Variants in PIP5K1B observed in about 807,000 individuals in gnomAD.
PIP5K1B encodes the protein phosphatidylinositol 4-phosphate 5-kinase type-1 beta.
A neutral mutation model predicts 67.0 loss-of-function variants in PIP5K1B; 42 were observed. The ratio of observed to expected loss-of-function variants is 0.63; its 90% confidence interval spans 0.49 to 0.81. PIP5K1B has a LOEUF of 0.81. PIP5K1B is among the 30% of genes least tolerant of loss of function. PIP5K1B has a pLI of 0.00. For synonymous variants in PIP5K1B, 214 were observed against 231.4 expected (o/e 0.92, Z 0.68); for missense variants, 459 against 646.3 (o/e 0.71, Z 3.14).
intron 14 of PIP5K1B, among the ~76,000 whole-genome samples, chr9:68,987,942 T>TG (rs764667876): frequency 2.0e-5 from 3 of 152,148 alleles, no homozygotes; most frequent in African/African-American, 4.8e-5. Context: ...GAGATTTGGA[T>TG]GGGGGGACAC....
At chr9:68,969,954 T>C (rs1056359818) in intron 14 of PIP5K1B, among the ~76,000 whole-genome samples, 2 of 152,176 alleles carry the variant, frequency 1.3e-5, no homozygotes, top group Non-Finnish European at 2.9e-5. Flanking sequence ...TTCTAATTCA[T>C]AGGACATGAA....
intron 2 of PIP5K1B, among the ~76,000 whole-genome samples, chr9:68,790,925 G>A (rs1028429439): frequency 6.6e-6 from 1 of 152,106 alleles, no homozygotes; most frequent in Non-Finnish European, 1.5e-5. Context: ...TGAATTTCTA[G>A]AATAAATACT....
At chr9:68,780,094 G>T in intron 2 of PIP5K1B, 2 of 1,337,346 alleles carry the variant, frequency 1.5e-6, no homozygotes, top group Non-Finnish European at 9.6e-7. Flanking sequence ...CAGCGGCGGC[G>T]GCCCTGGACT....
intron 4 of PIP5K1B, among the ~76,000 whole-genome samples, chr9:68,838,763 T>A (rs971836701): frequency 2.0e-5 from 3 of 152,166 alleles, no homozygotes; most frequent in Admixed American, 6.5e-5. Context: ...TTGAAATAAA[T>A]TTTTTAATTA....
In PIP5K1B at chr9:68,851,798, A is replaced by T. The variant is rs76095608; in HGVS notation, c.70-12039A>T. The stretch of plus-strand genomic sequence containing the variant: ...ATCTCTGGCTTGTGGCCAAAACAGT[A>T]ACTGGTCCACCAGAGTTTGTGCCCC... On this transcript the variant is annotated intron_variant, in intron 4 of 15. Transcript: ENST00000265382. 3.3e-3 allele frequency among the ~76,000 whole-genome samples: 510 copies of T among 152,322 alleles called. 1 individual carries two copies. The highest frequency in any genetic ancestry group is 0.011 in the African/African-American group (469 of 41,576).
At chr9:68,854,290 T>G (rs1822657086) in intron 4 of PIP5K1B, among the ~76,000 whole-genome samples, 1 of 151,982 alleles carries the variant, frequency 6.6e-6, no homozygotes, top group African/African-American at 2.4e-5. Flanking sequence ...CCACCATGCC[T>G]GACCAATTTT....
intron 2 of PIP5K1B, among the ~76,000 whole-genome samples, chr9:68,773,722 A>G (rs1379308449): frequency 6.6e-6 from 1 of 152,198 alleles, no homozygotes; most frequent in Non-Finnish European, 1.5e-5. Flanking sequence ...GCCGCTTTGT[A>G]CACTTCTACC....
chr9:68,803,955 A>C (rs1832734332), intron 2 of PIP5K1B, among the ~76,000 whole-genome samples: 2 of 152,186 alleles, frequency 1.3e-5, no homozygotes, highest in Non-Finnish European at 2.9e-5. Context: ...GAGGAAGGTC[A>C]TGAATGAAAT....
At chr9:68,959,935 C>T (rs1828624404) in intron 14 of PIP5K1B, among the ~76,000 whole-genome samples, 1 of 152,164 alleles carries the variant, frequency 6.6e-6, no homozygotes, top group African/African-American at 2.4e-5. Flanking sequence ...CAGATGTTAT[C>T]CTGGGAACTT....
intron 12 of PIP5K1B, among the ~76,000 whole-genome samples, chr9:68,931,525 C>T (rs1008731143): frequency 1.3e-5 from 2 of 151,886 alleles, no homozygotes; most frequent in South Asian, 2.1e-4. Context: ...ACTATGGGTA[C>T]GCGGAGAGAA....
At chr9:68,848,950 A>G (rs1172240644) in intron 4 of PIP5K1B, among the ~76,000 whole-genome samples, 1 of 152,252 alleles carries the variant, frequency 6.6e-6, no homozygotes, top group Non-Finnish European at 1.5e-5. Flanking sequence ...GCAAAAGTTA[A>G]CAATATTGAT....
At chr9:68,867,415 C>G (rs1823413750) in intron 5 of PIP5K1B, among the ~76,000 whole-genome samples, 1 of 152,272 alleles carries the variant, frequency 6.6e-6, no homozygotes, top group South Asian at 2.1e-4. Flanking sequence ...TCAGTTTCAT[C>G]ATCTGGACTC....
intron 13 of PIP5K1B, among the ~76,000 whole-genome samples, chr9:68,939,332 G>A (rs1049544897): frequency 6.6e-6 from 1 of 152,180 alleles, no homozygotes; most frequent in African/African-American, 2.4e-5. Context: ...AAGCTGGTAT[G>A]CCCAAAACCT....
At chr9:68,822,916 T>C (rs758281956) in intron 4 of PIP5K1B, among the ~76,000 whole-genome samples, 20 of 152,300 alleles carry the variant, frequency 1.3e-4, no homozygotes, top group Admixed American at 2.6e-4. Flanking sequence ...TCCATGTGTT[T>C]GCAGAGCTGT....
chr9:68,862,985 C>T (rs1823175379), intron 4 of PIP5K1B, among the ~76,000 whole-genome samples: 1 of 151,770 alleles, frequency 6.6e-6, no homozygotes, highest in East Asian at 1.9e-4. Context: ...CTTAGATTTG[C>T]TAAGTAAAAA....
intron 14 of PIP5K1B, among the ~76,000 whole-genome samples, chr9:68,955,612 G>C (rs1828347143): frequency 6.6e-6 from 1 of 152,242 alleles, no homozygotes; most frequent in South Asian, 2.1e-4. Context: ...ACAGCTCTCA[G>C]ATGTAACCAG....
chr9:68,848,437 C>G (rs1232518721), intron 4 of PIP5K1B, among the ~76,000 whole-genome samples: 1 of 152,218 alleles, frequency 6.6e-6, no homozygotes, highest in African/African-American at 2.4e-5. Context: ...ACCCCCACTT[C>G]ACCCACAAGC....
chr9:68,971,255 T>C (rs1408150912), intron 14 of PIP5K1B, among the ~76,000 whole-genome samples: 2 of 152,222 alleles, frequency 1.3e-5, no homozygotes, highest in East Asian at 3.8e-4. Context: ...TTTGGTTTTC[T>C]GTTCTTGTGT....
intron 4 of PIP5K1B, among the ~76,000 whole-genome samples, chr9:68,841,804 TAGAA>T (rs1414045594): frequency 6.6e-6 from 1 of 152,234 alleles, no homozygotes; most frequent in Non-Finnish European, 1.5e-5. Flanking sequence ...ATGATTAATT[TAGAA>T]AGAAGAAGGA....
Sources: gnomAD v4.1 joint callset for allele counts (sites outside exome capture counted in the v4.1 genomes callset) on GRCh38, gnomAD v4.1.1 for gene constraint, MANE v1.5 for transcripts, NCBI Gene and HGNC (gene_info 2026-07-23, HGNC 2026-07-21) for gene names.